MACC1: variants seen among roughly 807,000 people sequenced by gnomAD.
The protein encoded by MACC1 is metastasis-associated in colon cancer protein 1.
Under a neutral mutation model 70.7 loss-of-function variants are expected in MACC1, and 79 were observed. The ratio of observed to expected loss-of-function variants is 1.12; its 90% confidence interval spans 0.93 to 1.35. The LOEUF (loss-of-function observed/expected upper bound fraction) is 1.35, where lower values mean the gene tolerates loss of function less well. MACC1 is among the 40% of genes most tolerant of loss of function. The pLI, the probability that MACC1 is intolerant of heterozygous loss-of-function variation, is 0.00. For missense variants in MACC1, 1,106 were observed against 978.1 expected (o/e 1.13, Z -1.74); for synonymous variants, 361 against 347.2 (o/e 1.04, Z -0.44).
chr7:20,215,956 G>A (rs61610353), intron 1 of MACC1, among the ~76,000 whole-genome samples: 1 of 152,046 alleles, frequency 6.6e-6, no homozygotes, highest in Admixed American at 6.5e-5. Flanking sequence ...CATAACTAAA[G>A]CTTTTAAGCA....
Position 20,158,552 on chromosome 7 carries a change from T to C in MACC1, c.1809A>G (p.Arg603=). Residue 603 remains arginine (R), a synonymous_variant, in exon 5 of 7, where the codon AGA becomes AGG. Coordinates refer to ENST00000400331, the MANE Select transcript of MACC1 (RefSeq NM_182762.4). ...KVKEWYVGVL[R]GKIGLVHCKN... ...TGCAGTGTACAAGTCCAATCTTACC[T>C]CTGAGGACTCCTACATACCATTCTT... 6.2e-7 allele frequency: 1 copy of C among 1,614,080 alleles called. No homozygotes were observed. Among genetic ancestry groups the C allele is most frequent in the Non-Finnish European group, 8.5e-7 (1 of 1,179,974 alleles).
At position 20,137,277 on chromosome 7, in the gene MACC1, T is replaced by G. The variant is rs1238601923; in HGVS notation, c.*3669A>C. 1.3e-5 allele frequency: 2 copies of G among 152,204 alleles called. No homozygotes were observed. Among genetic ancestry groups the G allele is most frequent in the Non-Finnish European group, 2.9e-5 (2 of 68,028 alleles). 9.4% of individuals were successfully genotyped at this position (152,204 alleles called of 1,614,324 possible). A position where few individuals can be genotyped will look rare whatever the true frequency, so the allele number is the denominator to read the frequency against. The stretch of plus-strand genomic sequence containing the variant: ...GTAGCAGCAGTGTTTCTCAGCCCAA[T>G]GCCATCCATTGATTTAGCATTCTAT... On this transcript the variant is annotated 3_prime_UTR_variant, in exon 7 of 7. Coordinates refer to ENST00000400331, the MANE Select transcript of MACC1 (RefSeq NM_182762.4).
chr7:20,140,802 TACACACACAC>T lies in MACC1; in HGVS notation c.*134_*143del, dbSNP rs10555255. ...TGCTTTTCTGAGATTCTTTCTTTCCTACACACACACACACACACACACAGACACACACACA... is the reference window on the plus strand; with the variant it reads ...TGCTTTTCTGAGATTCTTTCTTTCCTACACACACACACAGACACACACACA... On this transcript the variant is annotated 3_prime_UTR_variant, in exon 7 of 7. Coordinates refer to ENST00000400331, the MANE Select transcript of MACC1 (RefSeq NM_182762.4). 51 of 456,932 alleles carry T rather than the reference TACACACACAC, an allele frequency of 1.1e-4. No individual in the cohort carries two copies. In the South Asian group the frequency reaches 1.4e-3, roughly 13 times the overall value. The allele number at this position is 456,932 out of a possible 1,614,324, so 28.3% of individuals were successfully genotyped here.
intron 2 of MACC1, among the ~76,000 whole-genome samples, chr7:20,167,824 G>C (rs1439567264): frequency 6.6e-6 from 1 of 152,136 alleles, no homozygotes; most frequent in Non-Finnish European, 1.5e-5. Context: ...CTCTTGGATA[G>C]GCCCCATGCT....
chr7:20,151,054 GAAAAAAA>G (rs58699284), intron 6 of MACC1, among the ~76,000 whole-genome samples: 1 of 99,492 alleles, frequency 1.0e-5, no homozygotes, highest in Non-Finnish European at 2.1e-5. Context: ...TCTCAAAGGA[GAAAAAAA>G]AAAAAAAAAG....
chr7:20,139,851 CACACACACACAT>C lies in MACC1; in HGVS notation c.*1083_*1094del, dbSNP rs1045247992. 4.6e-5 allele frequency: 7 copies of C among 152,386 alleles called. No individual in the cohort carries two copies. The highest frequency in any genetic ancestry group is 3.4e-3 in the Middle Eastern group (1 of 296). 9.4% of individuals were successfully genotyped at this position (152,386 alleles called of 1,614,324 possible). A position where few individuals can be genotyped will look rare whatever the true frequency, so the allele number is the denominator to read the frequency against. On this transcript the variant is annotated 3_prime_UTR_variant, in exon 7 of 7. Coordinates refer to ENST00000400331, the MANE Select transcript of MACC1 (RefSeq NM_182762.4). ...ACACACACACACACACACACACACA[CACACACACACAT>C]GTGTTTGCATGAGCATGCCAACATA... is the stretch of plus-strand genomic sequence containing the variant.
chr7:20,158,113 AC>A, intron 5 of MACC1, 90 bp downstream of exon 5: 1 of 1,427,852 alleles, frequency 7.0e-7, no homozygotes, highest in Non-Finnish European at 9.3e-7. Flanking sequence ...GAATTTTTAA[AC>A]ATTTCTCCTC....
rs1781703462 is a variant in MACC1, at chr7:20,135,173, A to G, written c.*5773T>C. Reference sequence around the variant, plus strand: ...TACAGAAACAAATGCAATGTTACATATATTTTGTAAAATTATCTTAAAATT... The same window carrying G: ...TACAGAAACAAATGCAATGTTACATGTATTTTGTAAAATTATCTTAAAATT... On this transcript the variant is annotated 3_prime_UTR_variant, in exon 7 of 7. Coordinates refer to ENST00000400331, the MANE Select transcript of MACC1 (RefSeq NM_182762.4). 6.6e-6 allele frequency: 1 copy of G among 152,256 alleles called. No individual in the cohort carries two copies. The highest frequency in any genetic ancestry group is 6.5e-5 in the Admixed American group (1 of 15,284). The allele number at this position is 152,256 out of a possible 1,614,324, so 9.4% of individuals were successfully genotyped here. A position where few individuals can be genotyped will look rare whatever the true frequency, so the allele number is the denominator to read the frequency against.
At chr7:20,169,725 T>C (rs534659418) in intron 2 of MACC1, among the ~76,000 whole-genome samples, 176 of 152,340 alleles carry the variant, frequency 1.2e-3, no homozygotes, top group Middle Eastern at 6.8e-3. Context: ...CTTGGAAAGA[T>C]ACTGAACATT....
chr7:20,212,353 T>G (rs1475268232), intron 1 of MACC1, among the ~76,000 whole-genome samples: 1 of 152,180 alleles, frequency 6.6e-6, no homozygotes, highest in African/African-American at 2.4e-5. Context: ...TGGCTGGAGA[T>G]GAAGATGTTT....
intron 1 of MACC1, among the ~76,000 whole-genome samples, chr7:20,201,988 T>G (rs536333672): frequency 1.3e-5 from 2 of 152,290 alleles, no homozygotes; most frequent in East Asian, 3.9e-4. Flanking sequence ...AGTAAAACTG[T>G]TTTTCCCACA....
At chr7:20,156,298 C>A (rs1782053955) in intron 5 of MACC1, among the ~76,000 whole-genome samples, 1 of 152,148 alleles carries the variant, frequency 6.6e-6, no homozygotes, top group Non-Finnish European at 1.5e-5. Context: ...ATACAGAAAT[C>A]CTGAAACCTC....
Position 20,159,205 on chromosome 7 carries a change from CA to C in MACC1, c.1155del (p.Val386LeufsTer3). 6.2e-7 allele frequency: 1 copy of C among 1,613,900 alleles called. No individual in the cohort carries two copies. The highest frequency in any genetic ancestry group is 8.5e-7 in the Non-Finnish European group (1 of 1,179,966). ...TTGTGTCCACAAACTGTTAAAACAA[CA>C]GTAAAACTGGGATGGATATATTTGG... Reference protein sequence around the residue: ...YGPKYIHPSFTVVLTVCGHNY... With the variant: ...YGPKYIHPSFXVVLTVCGHNY... On this transcript the variant is annotated frameshift_variant, in exon 5 of 7. Transcript: ENST00000400331. LOFTEE classifies it high-confidence loss of function.
At chr7:20,188,064 C>G (rs1289564889) in intron 1 of MACC1, among the ~76,000 whole-genome samples, 1 of 151,898 alleles carries the variant, frequency 6.6e-6, no homozygotes, top group African/African-American at 2.4e-5. Context: ...AAGTGCCGAG[C>G]AAAAAGGGGG....
chr7:20,181,049 T>C (rs1461094900), intron 1 of MACC1, among the ~76,000 whole-genome samples: 2 of 151,518 alleles, frequency 1.3e-5, no homozygotes, highest in African/African-American at 4.9e-5. Context: ...TGAATGGCGA[T>C]ACTAAAAACT....
intron 1 of MACC1, among the ~76,000 whole-genome samples, chr7:20,172,900 G>C (rs891952779): frequency 6.6e-6 from 1 of 152,148 alleles, no homozygotes; most frequent in Non-Finnish European, 1.5e-5. Flanking sequence ...CTGGGGAGAC[G>C]GGAAAAAGCC....
At chr7:20,197,946 T>C (rs938925626) in intron 1 of MACC1, among the ~76,000 whole-genome samples, 2 of 152,232 alleles carry the variant, frequency 1.3e-5, no homozygotes, top group African/African-American at 2.4e-5. Context: ...ATAGAAATAT[T>C]TTATGTAATA....
intron 2 of MACC1, 150 bp from the exon 3 acceptor site, chr7:20,164,549 A>G (rs1159450195): frequency 6.6e-6 from 1 of 152,216 alleles, no homozygotes; most frequent in Non-Finnish European, 1.5e-5. Flanking sequence ...ATGCTTAAAA[A>G]AATCCAATGT....
At chr7:20,175,000 G>T (rs1782370094) in intron 1 of MACC1, among the ~76,000 whole-genome samples, 1 of 151,864 alleles carries the variant, frequency 6.6e-6, no homozygotes, top group African/African-American at 2.4e-5. Flanking sequence ...TCATCTCCCA[G>T]TATCTTCTCA....
Sources: gnomAD v4.1 joint callset for allele counts (sites outside exome capture counted in the v4.1 genomes callset) on GRCh38, gnomAD v4.1.1 for gene constraint, MANE v1.5 for transcripts, NCBI Gene and HGNC (gene_info 2026-07-23, HGNC 2026-07-21) for gene names.